FNDC3A: variants seen among roughly 807,000 people sequenced by gnomAD.
The protein encoded by FNDC3A is fibronectin type III domain containing 3A.
In FNDC3A, 32 loss-of-function variants were observed where a neutral mutation model predicts 148.9. The ratio of observed to expected loss-of-function variants is 0.21; its 90% confidence interval spans 0.16 to 0.29. The LOEUF is 0.29. Ranked by LOEUF, FNDC3A falls within the 10% of genes least tolerant of loss-of-function variation. The pLI, the probability that FNDC3A is intolerant of heterozygous loss-of-function variation, is 1.00. For missense variants in FNDC3A, 1,191 were observed against 1,452.8 expected (o/e 0.82, Z 2.93); for synonymous variants, 472 against 473.6 (o/e 1.00, Z 0.04).
intron 2 of FNDC3A, among the ~76,000 whole-genome samples, chr13:49,009,913 C>G (rs1047927152): frequency 1.3e-5 from 2 of 152,218 alleles, no homozygotes; most frequent in African/African-American, 2.4e-5. Flanking sequence ...TTGCATTAAT[C>G]TCTTAAAATT....
intron 3 of FNDC3A, among the ~76,000 whole-genome samples, chr13:49,111,971 C>T (rs151246089): frequency 2.0e-5 from 3 of 152,060 alleles, no homozygotes; most frequent in East Asian, 3.9e-4. Context: ...ACTATTTTAG[C>T]GGCTATCAAA....
In FNDC3A at chr13:49,208,420, G is replaced by A. The variant is rs1243613256; in HGVS notation, c.*1025G>A. The A allele has an allele frequency of 1.3e-5, 2 of 152,462 alleles. No homozygotes were observed. Among genetic ancestry groups the A allele is most frequent in the African/African-American group, 4.8e-5 (2 of 41,402 alleles). The allele number at this position is 152,462 out of a possible 1,614,324, so 9.4% of individuals were successfully genotyped here. A position where few individuals can be genotyped will look rare whatever the true frequency, so the allele number is the denominator to read the frequency against. On this transcript the variant is annotated 3_prime_UTR_variant, in exon 26 of 26. Transcript: ENST00000492622. ...AATCAAACCTAACCTTTTTGTTTGG[G>A]GCACCAAATCTGAAGACAAAATTAA...
intron 2 of FNDC3A, among the ~76,000 whole-genome samples, chr13:49,070,576 C>G (rs751646497): frequency 1.4e-4 from 21 of 152,174 alleles, no homozygotes; most frequent in Non-Finnish European, 2.4e-4. Flanking sequence ...TTTGAAAACA[C>G]AACAATCTTC....
intron 25 of FNDC3A, among the ~76,000 whole-genome samples, chr13:49,203,656 G>A (rs895716016): frequency 6.6e-6 from 1 of 152,148 alleles, no homozygotes; most frequent in African/African-American, 2.4e-5. Flanking sequence ...TTGGATAAAA[G>A]AAATAGGGAG....
intron 4 of FNDC3A, among the ~76,000 whole-genome samples, chr13:49,123,874 G>T (rs185523382): frequency 2.6e-4 from 40 of 152,332 alleles, no homozygotes; most frequent in Admixed American, 4.6e-4. Context: ...TGGAGAAATA[G>T]GAACGCTTTT....
intron 4 of FNDC3A, among the ~76,000 whole-genome samples, chr13:49,130,557 A>G (rs1453898462): frequency 6.6e-6 from 1 of 152,104 alleles, no homozygotes; most frequent in Non-Finnish European, 1.5e-5. Context: ...CACATAACAC[A>G]TAGGATAAAT....
intron 2 of FNDC3A, among the ~76,000 whole-genome samples, chr13:49,037,714 G>A (rs969520400): frequency 2.6e-5 from 4 of 152,172 alleles, no homozygotes; most frequent in African/African-American, 9.7e-5. Context: ...TGCAACAGAG[G>A]CATGCCTCTC....
chr13:48,984,206 T>G (rs1195213338), intron 1 of FNDC3A, among the ~76,000 whole-genome samples: 2 of 152,124 alleles, frequency 1.3e-5, no homozygotes, highest in East Asian at 1.9e-4. Flanking sequence ...GATGGAGGAG[T>G]ATTCATGAAT....
chr13:49,049,908 C>T (rs986087640), intron 2 of FNDC3A, among the ~76,000 whole-genome samples: 12 of 151,956 alleles, frequency 7.9e-5, no homozygotes, highest in South Asian at 2.1e-4. Context: ...TTAGTAGAGA[C>T]AGGGTTTCAC....
At chr13:49,058,964 C>G (rs1355405282) in intron 2 of FNDC3A, among the ~76,000 whole-genome samples, 2 of 152,156 alleles carry the variant, frequency 1.3e-5, no homozygotes, top group Non-Finnish European at 2.9e-5. Flanking sequence ...GCTTTCAGTT[C>G]CCAGTTTCTA....
At chr13:49,202,945 G>C (rs1886488564) in intron 24 of FNDC3A, among the ~76,000 whole-genome samples, 1 of 152,210 alleles carries the variant, frequency 6.6e-6, no homozygotes, top group African/African-American at 2.4e-5. Flanking sequence ...CTGTTGTCCA[G>C]GCTGGGTGAC....
intron 2 of FNDC3A, among the ~76,000 whole-genome samples, chr13:49,068,004 C>T (rs12868121): frequency 0.017 from 2,544 of 152,058 alleles, 38 homozygotes; most frequent in Non-Finnish European, 0.03. Context: ...GAAATAAAAG[C>T]AAAAGGAACA....
intron 4 of FNDC3A, among the ~76,000 whole-genome samples, chr13:49,120,588 G>T (rs1244488544): frequency 2.0e-5 from 3 of 151,952 alleles, no homozygotes; most frequent in Admixed American, 6.6e-5. Context: ...GCTGTATTCA[G>T]GAGACCCATC....
At chr13:49,080,909 T>G (rs1878424904) in intron 3 of FNDC3A, among the ~76,000 whole-genome samples, 1 of 152,180 alleles carries the variant, frequency 6.6e-6, no homozygotes, top group African/African-American at 2.4e-5. Flanking sequence ...TCTCTCCTCT[T>G]TTAGCTGTAG....
intron 2 of FNDC3A, among the ~76,000 whole-genome samples, chr13:49,011,602 A>G (rs1952347485): frequency 6.6e-6 from 1 of 152,012 alleles, no homozygotes; most frequent in Non-Finnish European, 1.5e-5. Flanking sequence ...CTTTTCTTCT[A>G]GAGTTAGTGT....
At chr13:49,070,492 G>C (rs1001914292) in intron 2 of FNDC3A, among the ~76,000 whole-genome samples, 6 of 152,026 alleles carry the variant, frequency 3.9e-5, no homozygotes, top group African/African-American at 1.4e-4. Flanking sequence ...GTGATATTTT[G>C]ATACATGTAT....
chr13:49,005,741 T>G (rs543704569), intron 1 of FNDC3A, among the ~76,000 whole-genome samples: 2 of 151,996 alleles, frequency 1.3e-5, no homozygotes, highest in Non-Finnish European at 2.9e-5. Flanking sequence ...CATAATTACC[T>G]TGTCTGCCCA....
intron 4 of FNDC3A, among the ~76,000 whole-genome samples, chr13:49,123,969 A>T (rs924219994): frequency 6.6e-6 from 1 of 152,194 alleles, no homozygotes; most frequent in African/African-American, 2.4e-5. Context: ...CACAAATACC[A>T]TTTGACCCAG....
At chr13:49,010,414 C>A (rs1381542649) in intron 2 of FNDC3A, among the ~76,000 whole-genome samples, 1 of 152,098 alleles carries the variant, frequency 6.6e-6, no homozygotes, top group Non-Finnish European at 1.5e-5. Flanking sequence ...AATTGGCTAT[C>A]CCTACAAGGG....
Sources: gnomAD v4.1 joint callset for allele counts (sites outside exome capture counted in the v4.1 genomes callset) on GRCh38, gnomAD v4.1.1 for gene constraint, MANE v1.5 for transcripts, NCBI Gene and HGNC (gene_info 2026-07-23, HGNC 2026-07-21) for gene names.